Variants in NLGN4X observed in about 807,000 individuals in gnomAD.
The protein encoded by NLGN4X is neuroligin-4, X-linked.
In NLGN4X, 3 loss-of-function variants were observed where a neutral mutation model predicts 40.3. That is an observed-to-expected ratio of 0.07 (90% CI 0.03 to 0.19). NLGN4X has a LOEUF of 0.19. NLGN4X is among the 10% of genes least tolerant of loss of function. The probability of loss-of-function intolerance (pLI) is 1.00; values close to 1 mark genes in which losing one functional copy is unlikely to be tolerated. For synonymous variants in NLGN4X, 270 were observed against 306.8 expected, an observed-to-expected ratio of 0.88 and a Z score of 1.25; for missense variants, 382 against 708.3, an observed-to-expected ratio of 0.54 and a Z score of 5.23.
intron 3 of NLGN4X, among the ~76,000 whole-genome samples, chrX:5,988,173 G>A (rs2035581303): frequency 8.9e-6 from 1 of 112,158 alleles, no homozygotes. Flanking sequence ...AGCAGCAGCT[G>A]ATGAATAGTC....
chrX:6,199,948 C>T (rs1923446404), intron 1 of NLGN4X, among the ~76,000 whole-genome samples: 1 of 111,768 alleles, frequency 8.9e-6, no homozygotes, highest in African/African-American at 3.3e-5. Context: ...CCCTACAGTG[C>T]GTTGATTTTA....
At chrX:6,050,627 T>TCTATCCATGTATCTATCAC (rs1569208605) in intron 2 of NLGN4X, among the ~76,000 whole-genome samples, 1 of 111,522 alleles carries the variant, frequency 9.0e-6, no homozygotes, top group African/African-American at 3.3e-5. Flanking sequence ...ATATCTATCA[T>TCTATCCATGTATCTATCAC]CTCTATCCAT....
At chrX:6,039,863 T>G (rs1221870736) in intron 2 of NLGN4X, among the ~76,000 whole-genome samples, 1 of 112,341 alleles carries the variant, frequency 8.9e-6, no homozygotes, top group Non-Finnish European at 1.9e-5. Flanking sequence ...TTTGAGCATG[T>G]AAAAGCAAAC....
chrX:5,898,760 G>A (rs2096352299), intron 5 of NLGN4X, among the ~76,000 whole-genome samples: 2 of 112,208 alleles, frequency 1.8e-5, no homozygotes, highest in Admixed American at 1.9e-4. Context: ...ATGCCCTCCT[G>A]TTCTGTGAGT....
intron 2 of NLGN4X, among the ~76,000 whole-genome samples, chrX:6,122,523 C>T (rs1056162836): frequency 5.4e-5 from 6 of 110,383 alleles, no homozygotes; most frequent in South Asian, 7.8e-4. Context: ...TGTGAGCCAC[C>T]GCGCCAGGCA....
chrX:5,909,868 C>G (rs767351125), intron 3 of NLGN4X, among the ~76,000 whole-genome samples: 1 of 111,145 alleles, frequency 9.0e-6, no homozygotes, highest in South Asian at 3.7e-4. Context: ...ATATTAGTCA[C>G]ATACAAAAAA....
At chrX:6,198,730 T>G (rs1170871087) in intron 1 of NLGN4X, among the ~76,000 whole-genome samples, 1 of 111,484 alleles carries the variant, frequency 9.0e-6, no homozygotes. Context: ...AGAAGGAGCA[T>G]GTTTCTCAGA....
At chrX:5,983,575 G>C (rs1218693141) in intron 3 of NLGN4X, among the ~76,000 whole-genome samples, 1 of 111,622 alleles carries the variant, frequency 9.0e-6, no homozygotes, top group African/African-American at 3.3e-5. Flanking sequence ...AAACAAAGCT[G>C]AAGAGAAAAA....
intron 5 of NLGN4X, among the ~76,000 whole-genome samples, chrX:5,899,330 G>T (rs2031711690): frequency 8.9e-6 from 1 of 111,805 alleles, no homozygotes; most frequent in South Asian, 3.7e-4. Context: ...TGCAGCTTTT[G>T]ATTTCAGTAG....
At chrX:6,100,943 T>C (rs1384644657) in intron 2 of NLGN4X, among the ~76,000 whole-genome samples, 1 of 111,364 alleles carries the variant, frequency 9.0e-6, no homozygotes, top group Non-Finnish European at 1.9e-5. Flanking sequence ...ATATCATCTT[T>C]ATACTTGAGG....
chrX:6,176,629 A>G (rs1187141327), intron 1 of NLGN4X, among the ~76,000 whole-genome samples: 1 of 112,292 alleles, frequency 8.9e-6, no homozygotes, highest in Non-Finnish European at 1.9e-5. Context: ...AAGATGACAG[A>G]ATGAGAAGGA....
chrX:6,058,309 ACGTTG>A (rs2037686518), intron 2 of NLGN4X, among the ~76,000 whole-genome samples: 2 of 111,839 alleles, frequency 1.8e-5, no homozygotes, highest in Admixed American at 9.5e-5. Flanking sequence ...GACAAGTTTG[ACGTTG>A]TCAATGTGTT....
intron 1 of NLGN4X, among the ~76,000 whole-genome samples, chrX:6,176,030 T>C (rs987204938): frequency 1.8e-5 from 2 of 111,560 alleles, no homozygotes; most frequent in Admixed American, 9.6e-5. Flanking sequence ...CCTACAGTTA[T>C]GACACAGCGA....
At chrX:5,932,472 C>T (rs1480457414) in intron 3 of NLGN4X, among the ~76,000 whole-genome samples, 2 of 110,959 alleles carry the variant, frequency 1.8e-5, no homozygotes, top group Non-Finnish European at 3.8e-5. Context: ...AATTCTTCTA[C>T]GTTAAATATA....
intron 1 of NLGN4X, among the ~76,000 whole-genome samples, chrX:6,174,254 T>C (rs1202579075): frequency 2.7e-5 from 3 of 109,375 alleles, no homozygotes; most frequent in Non-Finnish European, 5.7e-5. Flanking sequence ...CATCATTAAA[T>C]AGTCAAAAAA....
chrX:5,929,672 T>C (rs1172779001), intron 3 of NLGN4X, among the ~76,000 whole-genome samples: 1 of 112,348 alleles, frequency 8.9e-6, no homozygotes, highest in Non-Finnish European at 1.9e-5. Flanking sequence ...TGTTGAATAA[T>C]ATAAGGGAAA....
intron 5 of NLGN4X, among the ~76,000 whole-genome samples, chrX:5,898,975 TG>T (rs1447046241): frequency 8.9e-6 from 1 of 112,034 alleles, no homozygotes; most frequent in African/African-American, 3.2e-5. Context: ...CAACTGCAAC[TG>T]AAGTCCTTGT....
chrX:6,125,999 T>TC (rs2039535779), intron 2 of NLGN4X, among the ~76,000 whole-genome samples: 1 of 94,094 alleles, frequency 1.1e-5, no homozygotes, highest in Non-Finnish European at 2.2e-5. Flanking sequence ...AATGTTTCTT[T>TC]TAAGATTAAA....
At chrX:6,198,575 G>A (rs975928667) in intron 1 of NLGN4X, among the ~76,000 whole-genome samples, 10 of 111,839 alleles carry the variant, frequency 8.9e-5, no homozygotes, top group African/African-American at 2.9e-4. Flanking sequence ...TTCAGGGAGC[G>A]CATCATTAAG....
Sources: gnomAD v4.1 joint callset for allele counts (sites outside exome capture counted in the v4.1 genomes callset) on GRCh38, gnomAD v4.1.1 for gene constraint, MANE v1.5 for transcripts, NCBI Gene and HGNC (gene_info 2026-07-23, HGNC 2026-07-21) for gene names.